AGAP1: variants seen among roughly 807,000 people sequenced by gnomAD.
AGAP1 encodes arf-GAP with GTPase, ANK repeat and PH domain-containing protein 1.
AGAP1 carries 29 observed loss-of-function variants against 105.3 expected under a neutral mutation model. The ratio of observed to expected loss-of-function variants is 0.28; its 90% CI spans 0.21 to 0.38. The LOEUF is 0.38. AGAP1 is among the 10% of genes least tolerant of loss of function. The probability of loss-of-function intolerance (pLI) is 1.00; values close to 1 mark genes in which losing one functional copy is unlikely to be tolerated. For missense variants in AGAP1, 998 were observed against 1,165.1 expected (o/e 0.86, Z 2.09); for synonymous variants, 509 against 485.9 (o/e 1.05, Z -0.63).
chr2:235,637,919 C>T (rs1409197973), intron 1 of AGAP1, among the ~76,000 whole-genome samples: 2 of 152,098 alleles, frequency 1.3e-5, no homozygotes, highest in African/African-American at 4.8e-5. Context: ...GTGAGTTTGC[C>T]CTTCCTCCAC....
chr2:236,115,768 T>C (rs2059755961), intron 16 of AGAP1, among the ~76,000 whole-genome samples: 1 of 152,106 alleles, frequency 6.6e-6, no homozygotes, highest in African/African-American at 2.4e-5. Context: ...AATATAGCAG[T>C]CCCAAAGGAC....
At position 236,098,770 on chromosome 2, in the gene AGAP1, G is replaced by A. The variant is rs530544016; in HGVS notation, c.2115-21422G>A. Among the ~76,000 whole-genome samples, 949 of 150,942 alleles carry A rather than the reference G, an allele frequency of 6.3e-3. 5 individuals are homozygous for A. Among genetic ancestry groups the A allele is most frequent in the South Asian group, 0.029 (135 of 4,622 alleles). On this transcript the variant is annotated intron_variant, in intron 16 of 17. Transcript: ENST00000304032. Reference sequence around the variant, plus strand: ...CTCCCCAGTAGCTGGGACTACAGGCGTGCACCACCATACCCAGCTAATTTT... The same window carrying A: ...CTCCCCAGTAGCTGGGACTACAGGCATGCACCACCATACCCAGCTAATTTT...
chr2:236,124,524 C>T lies in AGAP1; in HGVS notation c.*402C>T, dbSNP rs1412918830. ...TGGCAGTTGAGCACATAGTACATTT[C>T]CCCTCTACCAAACGGAACACTTGGA... On this transcript the variant is annotated 3_prime_UTR_variant, in exon 18 of 18. Transcript: ENST00000304032. This position sits in a 1 kb window ranked among gnomAD's most constrained non-coding sequence, Gnocchi z 5.1. The T allele has an allele frequency of 4.0e-6, 1 of 247,028 alleles. No homozygotes were observed. Among genetic ancestry groups the T allele is most frequent in the East Asian group, 1.0e-4 (1 of 9,590 alleles). 15.3% of individuals were successfully genotyped at this position (247,028 alleles called of 1,614,324 possible). A position where few individuals can be genotyped will look rare whatever the true frequency, so the allele number is the denominator to read the frequency against.
chr2:235,781,609 A>G (rs1275387835), intron 6 of AGAP1, among the ~76,000 whole-genome samples: 1 of 152,126 alleles, frequency 6.6e-6, no homozygotes, highest in Non-Finnish European at 1.5e-5. Context: ...ACAGTTTTTC[A>G]CTGGACACGT....
chr2:235,930,404 TTGCCGGCC>T lies in AGAP1; in HGVS notation c.1325-354_1325-347del, dbSNP rs1020622710. 2.0e-5 allele frequency among the ~76,000 whole-genome samples: 3 copies of T among 152,226 alleles called. No homozygotes were observed. Among genetic ancestry groups the T allele is most frequent in the Non-Finnish European group, 4.4e-5 (3 of 68,044 alleles). ...TGGCCGGGCTCCTGGAGCCCCCATC[TTGCCGGCC>T]TGCCGGATCGCGGTGTCTCTGCTAA... is the stretch of plus-strand genomic sequence containing the variant. On this transcript the variant is annotated intron_variant, in intron 11 of 17. Transcript: ENST00000304032. This position sits in a 1 kb window ranked among gnomAD's most constrained non-coding sequence, Gnocchi z 7.9.
intron 1 of AGAP1, among the ~76,000 whole-genome samples, chr2:235,668,757 G>A (rs1457047780): frequency 6.6e-6 from 1 of 152,204 alleles, no homozygotes; most frequent in Non-Finnish European, 1.5e-5. Flanking sequence ...ATTATTAATG[G>A]TGAATATTTA....
chr2:235,758,378 A>G (rs1308720715), intron 6 of AGAP1, among the ~76,000 whole-genome samples: 2 of 152,168 alleles, frequency 1.3e-5, no homozygotes, highest in African/African-American at 4.8e-5. Flanking sequence ...CCCAGTTTAC[A>G]GCTGGGACTA....
At chr2:235,607,835 C>T (rs569665359) in intron 1 of AGAP1, among the ~76,000 whole-genome samples, 1 of 152,256 alleles carries the variant, frequency 6.6e-6, no homozygotes, top group South Asian at 2.1e-4. Flanking sequence ...TATCGGGGAA[C>T]GTTCTTTGAG....
At chr2:235,512,984 A>T (rs536161282) in intron 1 of AGAP1, among the ~76,000 whole-genome samples, 1 of 152,288 alleles carries the variant, frequency 6.6e-6, no homozygotes, top group African/African-American at 2.4e-5. Context: ...TCTGTTTAGA[A>T]CTGGGCACTC....
rs1235091999 is a variant in AGAP1, at chr2:236,038,352, T to C, written c.1800+1637T>C. 6.6e-6 allele frequency among the ~76,000 whole-genome samples: 1 copy of C among 152,150 alleles called. No homozygotes were observed. The highest frequency in any genetic ancestry group is 1.5e-5 in the Non-Finnish European group (1 of 68,028). On this transcript the variant is annotated intron_variant, in intron 14 of 17. Coordinates refer to ENST00000304032, the MANE Select transcript of AGAP1 (RefSeq NM_001037131.3). This position sits in a 1 kb window ranked among gnomAD's most constrained non-coding sequence, Gnocchi z 4.5. ...GCCTTCATGGAGAAATCACAGTCTT[T>C]CACGGCAGACTCTGAGCCCCTGCCA... is the stretch of plus-strand genomic sequence containing the variant.
intron 13 of AGAP1, among the ~76,000 whole-genome samples, chr2:235,972,976 A>C (rs1452418431): frequency 1.3e-5 from 2 of 152,150 alleles, no homozygotes; most frequent in Non-Finnish European, 2.9e-5. Context: ...GGACCCTGCG[A>C]GAAGGTCTTC....
chr2:235,912,031 G>A (rs1258602586), intron 11 of AGAP1, among the ~76,000 whole-genome samples: 1 of 152,232 alleles, frequency 6.6e-6, no homozygotes, highest in Non-Finnish European at 1.5e-5. Flanking sequence ...GGAGGGCGCA[G>A]ATCTCAGATA....
At chr2:235,907,486 T>C (rs1013889226) in intron 10 of AGAP1, among the ~76,000 whole-genome samples, 1 of 152,174 alleles carries the variant, frequency 6.6e-6, no homozygotes, top group Non-Finnish European at 1.5e-5. Flanking sequence ...CTGAACTTAA[T>C]TACTTTTAAC....
At chr2:235,956,434 C>T (rs750975940) in intron 12 of AGAP1, among the ~76,000 whole-genome samples, 2 of 152,194 alleles carry the variant, frequency 1.3e-5, no homozygotes, top group Non-Finnish European at 2.9e-5. Flanking sequence ...CTTTCTGCCT[C>T]ACTTGGCCAC....
chr2:235,891,066 T>C lies in AGAP1; in HGVS notation c.1155+7617T>C, dbSNP rs1330692582. ...CAAATAATGAATGAAACTGCCTTAATGGAGTGGCCAACTGCCCTGGTTTTC... is the reference window on the plus strand; with the variant it reads ...CAAATAATGAATGAAACTGCCTTAACGGAGTGGCCAACTGCCCTGGTTTTC... On this transcript the variant is annotated intron_variant, in intron 10 of 17. Transcript: ENST00000304032. This position sits in a 1 kb window ranked among gnomAD's most constrained non-coding sequence, Gnocchi z 4.2. Among the ~76,000 whole-genome samples, 2 of 152,078 alleles carry C rather than the reference T, an allele frequency of 1.3e-5. No individual in the cohort carries two copies. The highest frequency in any genetic ancestry group is 4.8e-5 in the African/African-American group (2 of 41,408).
At chr2:235,773,355 G>A (rs982048047) in intron 6 of AGAP1, among the ~76,000 whole-genome samples, 8 of 152,214 alleles carry the variant, frequency 5.3e-5, no homozygotes, top group African/African-American at 1.2e-4. Flanking sequence ...CCTACGGTCA[G>A]TCTGATTGGT....
Position 235,887,679 on chromosome 2 carries a change from C to T in AGAP1, c.1155+4230C>T, listed in dbSNP as rs754260724. 1.8e-4 allele frequency among the ~76,000 whole-genome samples: 27 copies of T among 152,274 alleles called. 1 individual carries two copies. The highest frequency in any genetic ancestry group is 6.8e-3 in the Middle Eastern group (2 of 294). On this transcript the variant is annotated intron_variant, in intron 10 of 17. Coordinates refer to ENST00000304032, the MANE Select transcript of AGAP1 (RefSeq NM_001037131.3). The surrounding 1 kb of genome is among the most constrained non-coding windows in gnomAD (Gnocchi z 4.1). ...CCACAGAGCCCAGGAAAAAAAATCC[C>T]GGCCAAACCATCAGATATTTTTAGT...
chr2:235,523,005 T>A (rs1009211000), intron 1 of AGAP1, among the ~76,000 whole-genome samples: 4 of 152,014 alleles, frequency 2.6e-5, no homozygotes, highest in Admixed American at 2.0e-4. Flanking sequence ...TCAACAATAG[T>A]CGTTTATGTC....
At position 235,763,976 on chromosome 2, in the gene AGAP1, C is replaced by T. The variant is rs561534006; in HGVS notation, c.673+13488C>T. On this transcript the variant is annotated intron_variant, in intron 6 of 17. Transcript: ENST00000304032. ...AATGCTGACAGCACAGAGCACTGGT[C>T]TGAAGATCTGTGTGTGGCTGTGATC... Among the ~76,000 whole-genome samples, 103 of 116,460 alleles carry T rather than the reference C, an allele frequency of 8.8e-4. 2 individuals carry two copies. Among genetic ancestry groups the T allele is most frequent in the African/African-American group, 3.6e-3 (101 of 28,148 alleles). 76.4% of individuals were successfully genotyped at this position (116,460 alleles called of 152,430 possible).
Sources: allele counts gnomAD v4.1 joint callset (sites outside exome capture counted in the v4.1 genomes callset), GRCh38; gene constraint gnomAD v4.1.1; non-coding constraint Gnocchi (gnomAD v3.1); transcripts MANE v1.5; gene names NCBI Gene and HGNC (gene_info 2026-07-23, HGNC 2026-07-21).